Variants in MDN1 observed in about 807,000 individuals in gnomAD.
The protein encoded by MDN1 is midasin AAA ATPase 1, also known as midasin.
MDN1 carries 266 observed loss-of-function variants against 669.2 expected under a neutral mutation model. The ratio of observed to expected loss-of-function variants is 0.40; its 90% confidence interval spans 0.36 to 0.44. MDN1 has a LOEUF of 0.44. Ranked by LOEUF, MDN1 falls within the 20% of genes least tolerant of loss-of-function variation. MDN1 has a pLI of 1.00. For missense variants in MDN1, 5,940 were observed against 6,754.0 expected (o/e 0.88, Z 4.22); for synonymous variants, 2,385 against 2,457.1 (o/e 0.97, Z 0.87).
chr6:89,805,407 T>C (rs1019557065), intron 1 of MDN1, among the ~76,000 whole-genome samples: 3 of 152,108 alleles, frequency 2.0e-5, no homozygotes, highest in African/African-American at 7.2e-5. Context: ...CCAGGCTTGG[T>C]GGCATGCGCC....
Position 89,729,007 on chromosome 6 carries a change from C to T in MDN1, c.5273G>A (p.Gly1758Asp). The change falls in exon 36 of 102, where the codon GGC (glycine) becomes GAC (aspartate). Residue 1758 changes from glycine (G) to aspartate (D), a missense_variant. Gly to Asp is a moderately conservative substitution (Grantham distance 94). Transcript: ENST00000369393. ...PILLEGSPGV[G>D]KTSLVGALAK... The stretch of plus-strand genomic sequence containing the variant: ...TAATGCTCCCACCAAACTTGTCTTG[C>T]CAACACCAGGGGAACCCTCCAGGAG... 1 of 1,614,094 alleles carries T rather than the reference C, an allele frequency of 6.2e-7. No individual in the cohort carries two copies. The highest frequency in any genetic ancestry group is 8.5e-7 in the Non-Finnish European group (1 of 1,180,002).
chr6:89,752,165 A>C (rs928403758), intron 22 of MDN1, among the ~76,000 whole-genome samples: 1 of 151,990 alleles, frequency 6.6e-6, no homozygotes, highest in African/African-American at 2.4e-5. Context: ...ATGGAAAAGT[A>C]CTCTTCTAGA....
chr6:89,676,627 A>G lies in MDN1; in HGVS notation c.12540-420T>C, dbSNP rs556190963. ...AAGCTGGAGAGCATGTGTCCTATCA[A>G]AAGGAGGAAACTACTATTCAGCTAC... On this transcript the variant is annotated intron_variant, in intron 76 of 101. Transcript: ENST00000369393. Among the ~76,000 whole-genome samples, 4 of 152,352 alleles carry G rather than the reference A, an allele frequency of 2.6e-5. No homozygotes were observed. The East Asian group carries it at 7.7e-4, about 29-fold the overall frequency.
chr6:89,712,020 A>C lies in MDN1; in HGVS notation c.7651+16T>G. 6.3e-7 allele frequency: 1 copy of C among 1,596,444 alleles called. No individual in the cohort carries two copies. The highest frequency in any genetic ancestry group is 8.6e-7 in the Non-Finnish European group (1 of 1,166,518). ...TATAAATCACATCAGTGGACAAATT[A>C]AGCTGTTCTACTCACCAAGCCCCTG... On this transcript the variant is annotated intron_variant, in intron 49 of 101. Coordinates refer to ENST00000369393, the MANE Select transcript of MDN1 (RefSeq NM_014611.3).
At chr6:89,658,447 G>GT in intron 89 of MDN1, 77 bp from the exon 90 acceptor site, 2 of 1,584,800 alleles carry the variant, frequency 1.3e-6, no homozygotes, top group Non-Finnish European at 1.7e-6. Flanking sequence ...CAACAAGCAG[G>GT]CTTCCCCACT....
chr6:89,652,117 T>G, intron 95 of MDN1, 75 bp downstream of exon 95: 1 of 1,174,686 alleles, frequency 8.5e-7, no homozygotes. Context: ...AAGAACCTAT[T>G]AAGTTTGCTA....
intron 76 of MDN1, among the ~76,000 whole-genome samples, chr6:89,676,704 A>C (rs1347458463): frequency 6.6e-6 from 1 of 152,216 alleles, no homozygotes; most frequent in Non-Finnish European, 1.5e-5. Context: ...TTTTCCTGAA[A>C]AAGAATGCTT....
chr6:89,684,945 G>A lies in MDN1; in HGVS notation c.11760C>T (p.Tyr3920=). Residue 3920 remains tyrosine, a synonymous_variant, in exon 71 of 102, where the codon TAC becomes TAT. Transcript: ENST00000369393. ...CSVLWNLYHY[Y]KQFFDRVQAK... is the part of the protein sequence containing the mutation. ...CCTGGACCCGGTCAAAGAATTGCTTGTAATAATGGTACAAATTCCATAGAA... is the reference window on the plus strand; with the variant it reads ...CCTGGACCCGGTCAAAGAATTGCTTATAATAATGGTACAAATTCCATAGAA... 6.2e-7 allele frequency: 1 copy of A among 1,613,660 alleles called. No individual in the cohort carries two copies. Among genetic ancestry groups the A allele is most frequent in the South Asian group, 1.1e-5 (1 of 91,058 alleles).
intron 10 of MDN1, among the ~76,000 whole-genome samples, chr6:89,780,505 A>C (rs1818613780): frequency 6.6e-6 from 1 of 152,140 alleles, no homozygotes; most frequent in Non-Finnish European, 1.5e-5. Context: ...TTAAAAACAA[A>C]ACAAAAAGAG....
intron 38 of MDN1, among the ~76,000 whole-genome samples, chr6:89,723,960 T>A (rs1010114467): frequency 6.6e-6 from 1 of 152,076 alleles, no homozygotes; most frequent in Non-Finnish European, 1.5e-5. Context: ...CTGACCAGCA[T>A]GACGAAACCC....
At chr6:89,712,463 C>CA (rs1168220747) in intron 48 of MDN1, 112 bp downstream of exon 48, 1 of 1,127,212 alleles carries the variant, frequency 8.9e-7, no homozygotes, top group East Asian at 2.4e-5. Flanking sequence ...ATGACAGCTA[C>CA]ACAATAAATG....
chr6:89,793,359 G>A (rs115270077), intron 5 of MDN1, among the ~76,000 whole-genome samples: 3 of 152,116 alleles, frequency 2.0e-5, no homozygotes, highest in Admixed American at 6.6e-5. Flanking sequence ...GAAGATATAC[G>A]GAACAGCTCC....
intron 7 of MDN1, 34 bp downstream of exon 7, chr6:89,789,746 A>G: frequency 6.4e-7 from 1 of 1,561,998 alleles, no homozygotes; most frequent in African/African-American, 1.4e-5. Context: ...AGGAAAATAT[A>G]TTAAGGGACA....
At position 89,804,888 on chromosome 6, in the gene MDN1, T is replaced by C. The variant is rs370996257; in HGVS notation, c.103-1334A>G. ...TCTCTACTAAAAATACAAAAAAAAT[T>C]AGCTGGGCGAGGTGGCAGGCGCCTG... On this transcript the variant is annotated intron_variant, in intron 1 of 101. Coordinates refer to ENST00000369393, the MANE Select transcript of MDN1 (RefSeq NM_014611.3). 2.6e-5 allele frequency among the ~76,000 whole-genome samples: 4 copies of C among 151,668 alleles called. No homozygotes were observed. In the East Asian group the frequency reaches 5.9e-4, roughly 22 times the overall value.
At chr6:89,751,657 AG>A in intron 22 of MDN1, 75 bp from the exon 23 acceptor site, 1 of 1,477,488 alleles carries the variant, frequency 6.8e-7, no homozygotes, top group South Asian at 1.3e-5. Flanking sequence ...GTAGGAAAAC[AG>A]CCACTTGTTG....
chr6:89,790,154 A>G lies in MDN1; in HGVS notation c.1098+5T>C. The G allele has an allele frequency of 1.9e-6, 3 of 1,613,766 alleles. No homozygotes were observed. The South Asian group carries it at 3.3e-5, about 18-fold the overall frequency. On this transcript the variant is annotated splice_donor_5th_base_variant and intron_variant, in intron 6 of 101. Coordinates refer to ENST00000369393, the MANE Select transcript of MDN1 (RefSeq NM_014611.3). Reference sequence around the variant, plus strand: ...AGCCACCAAAACTTAACATTTCCTTATTACCTTACTGTCAGTCTGATCTCC... The same window carrying G: ...AGCCACCAAAACTTAACATTTCCTTGTTACCTTACTGTCAGTCTGATCTCC...
Position 89,648,339 on chromosome 6 carries a change from A to G in MDN1, c.16207-10T>C. ...AAGATTCAAATGCAAGCTGTGAATTAGAAAGTTAATGATTTTAGGAATCAG... is the reference window on the plus strand; with the variant it reads ...AAGATTCAAATGCAAGCTGTGAATTGGAAAGTTAATGATTTTAGGAATCAG... On this transcript the variant is annotated splice_polypyrimidine_tract_variant and intron_variant, in intron 97 of 101. Coordinates refer to ENST00000369393, the MANE Select transcript of MDN1 (RefSeq NM_014611.3). 1 of 1,612,922 alleles carries G rather than the reference A, an allele frequency of 6.2e-7. No homozygotes were observed. Among genetic ancestry groups the G allele is most frequent in the South Asian group, 1.1e-5 (1 of 91,056 alleles).
In MDN1 at chr6:89,656,067, C is replaced by G. The variant is rs1809263974; in HGVS notation, c.15286-99G>C. The G allele has an allele frequency of 3.9e-6, 4 of 1,021,522 alleles. No homozygotes were observed. In the Admixed American group the frequency reaches 1.0e-4, roughly 26 times the overall value. The allele number at this position is 1,021,522 out of a possible 1,614,324, so 63.3% of individuals were successfully genotyped here. ...TCTATAGGGGACAGGATAAGTAAAT[C>G]AGGTGTAGCCATACAAGAATGGAAT... On this transcript the variant is annotated intron_variant, in intron 91 of 101. Coordinates refer to ENST00000369393, the MANE Select transcript of MDN1 (RefSeq NM_014611.3).
chr6:89,815,843 C>T (rs1768788954), intron 1 of MDN1, among the ~76,000 whole-genome samples: 1 of 152,072 alleles, frequency 6.6e-6, no homozygotes, highest in South Asian at 2.1e-4. Flanking sequence ...CTTGGGGGCA[C>T]CACTCTCATC....
Sources: gnomAD v4.1 joint callset for allele counts (sites outside exome capture counted in the v4.1 genomes callset) on GRCh38, gnomAD v4.1.1 for gene constraint, MANE v1.5 for transcripts, NCBI Gene and HGNC (gene_info 2026-07-23, HGNC 2026-07-21) for gene names.